CSNK1G2: variants seen among roughly 807,000 people sequenced by gnomAD.
The protein encoded by CSNK1G2 is casein kinase I isoform gamma-2.
In CSNK1G2, 11 loss-of-function variants were observed where a neutral mutation model predicts 48.0. The observed-to-expected ratio is 0.23, with a 90% CI of 0.14 to 0.38. The LOEUF (loss-of-function observed/expected upper bound fraction) is 0.38, where lower values mean the gene tolerates loss of function less well. CSNK1G2 is among the 10% of genes least tolerant of loss of function. CSNK1G2 has a pLI of 1.00. For synonymous variants in CSNK1G2, 337 were observed against 254.1 expected (o/e 1.33, Z -3.10); for missense variants, 446 against 595.5 (o/e 0.75, Z 2.61).
chr19:1,966,301 G>A (rs769045775), intron 1 of CSNK1G2, among the ~76,000 whole-genome samples: 17 of 152,198 alleles, frequency 1.1e-4, no homozygotes, highest in Non-Finnish European at 2.2e-4. Flanking sequence ...GGAAGAAGTT[G>A]GTCCCAGGCC....
At chr19:1,977,031 G>T (rs897947528) in intron 2 of CSNK1G2, among the ~76,000 whole-genome samples, 1 of 152,190 alleles carries the variant, frequency 6.6e-6, no homozygotes, top group Non-Finnish European at 1.5e-5. Flanking sequence ...AAGCCACCGT[G>T]CCCGGCCACA....
chr19:1,976,012 G>T lies in CSNK1G2; in HGVS notation c.188-2293G>T, dbSNP rs1486740831. On this transcript the variant is annotated intron_variant, in intron 2 of 11. Coordinates refer to ENST00000255641, the MANE Select transcript of CSNK1G2 (RefSeq NM_001319.7). ...ATCGCGCCAGTGCACTCCAGCCTGGGCAACAGAACGAGACTCTGCTCCAAA... is the reference window on the plus strand; with the variant it reads ...ATCGCGCCAGTGCACTCCAGCCTGGTCAACAGAACGAGACTCTGCTCCAAA... 7.3e-6 allele frequency: 9 copies of T among 1,235,896 alleles called. No individual in the cohort carries two copies. In the Admixed American group the frequency reaches 2.1e-4, roughly 28 times the overall value. The allele number at this position is 1,235,896 out of a possible 1,614,324, so 76.6% of individuals were successfully genotyped here.
chr19:1,976,445 T>A (rs1378898220), intron 2 of CSNK1G2, among the ~76,000 whole-genome samples: 1 of 152,200 alleles, frequency 6.6e-6, no homozygotes, highest in Non-Finnish European at 1.5e-5. Context: ...GATTGGAAAC[T>A]GTGCTGAAAT....
At position 1,978,615 on chromosome 19, in the gene CSNK1G2, G is replaced by T; in HGVS notation, c.312G>T (p.Gln104His). 1 of 1,599,668 alleles carries T rather than the reference G, an allele frequency of 6.3e-7. No homozygotes were observed. Among genetic ancestry groups the T allele is most frequent in the East Asian group, 2.3e-5 (1 of 44,246 alleles). The part of the protein sequence containing the change: ...KQLSATEGVP[Q>H]VYYFGPCGKY... Reference sequence around the variant, plus strand: ...CCTCCGCCGCAGAGGGCGTCCCTCAGGTCTACTACTTCGGTCCGTGCGGGA... The same window carrying T: ...CCTCCGCCGCAGAGGGCGTCCCTCATGTCTACTACTTCGGTCCGTGCGGGA... The change falls in exon 5 of 12, where the codon CAG becomes CAT. Residue 104 changes from glutamine (Q) to histidine (H), a missense_variant. Gln to His is a conservative substitution (Grantham distance 24). Around this residue, in one of 2 missense-constraint regions of CSNK1G2, gnomAD observed 258 missense variants for 415.9 expected, o/e 0.62. Transcript: ENST00000255641. This position sits in a 1 kb window ranked among gnomAD's most constrained non-coding sequence, Gnocchi z 7.3.
At position 1,941,199 on chromosome 19, in the gene CSNK1G2, C is replaced by G. The variant is rs993686452; in HGVS notation, c.-485C>G. 6.8e-6 allele frequency: 1 copy of G among 146,158 alleles called. No individual in the cohort carries two copies. The highest frequency in any genetic ancestry group is 1.5e-5 in the Non-Finnish European group (1 of 65,784). 9.1% of individuals were successfully genotyped at this position (146,158 alleles called of 1,614,324 possible). On this transcript the variant is annotated 5_prime_UTR_variant, in exon 1 of 12. Transcript: ENST00000255641. ...ACGCTGGCGGCGTAAGGCGCGCGGG[C>G]CCCGGAGCGGGCGCGGCGGAGCGCG...
Position 1,969,801 on chromosome 19 carries a change from G to A in CSNK1G2, c.29G>A (p.Gly10Glu). 1 of 1,309,436 alleles carries A rather than the reference G, an allele frequency of 7.6e-7. No homozygotes were observed. The highest frequency in any genetic ancestry group is 9.8e-7 in the Non-Finnish European group (1 of 1,020,526). The allele number at this position is 1,309,436 out of a possible 1,614,324, so 81.1% of individuals were successfully genotyped here. The change falls in exon 2 of 12, where the codon GGG becomes GAG. Residue 10 changes from glycine to glutamate, a missense_variant. This residue lies in a region of CSNK1G2 where 258 missense variants were observed against 415.9 expected (regional missense o/e 0.62). Transcript: ENST00000255641. MDFDKKGGK[G>E]ETEEGRRMSK... is the part of the protein sequence containing the mutation. ...GATTTTGACAAGAAAGGAGGGAAAG[G>A]GGAGACGGAGGAGGGCCGGAGAATG...
rs571208443 is a variant in CSNK1G2 at position 1,972,629 on chromosome 19, G to T, written c.187+2670G>T. ...TCTCAGCTTTGCTTTGCTTTGTTTT[G>T]TTTTGTTTTTGAGATGGAGTTTCAC... On this transcript the variant is annotated intron_variant, in intron 2 of 11. Transcript: ENST00000255641. Among the ~76,000 whole-genome samples the T allele has an allele frequency of 4.1e-4, 63 of 152,168 alleles. No homozygotes were observed. The South Asian group carries it at 7.9e-3, about 19-fold the overall frequency.
At chr19:1,952,747 G>A (rs1427637641) in intron 1 of CSNK1G2, 5 of 303,902 alleles carry the variant, frequency 1.6e-5, no homozygotes, top group African/African-American at 7.1e-5. Context: ...GAGTCGTGCG[G>A]GACTGGATGG....
In CSNK1G2 at chr19:1,953,811, G is replaced by A. The variant is rs376041727; in HGVS notation, c.-266+12393G>A. 126 of 517,232 alleles carry A rather than the reference G, an allele frequency of 2.4e-4. 1 individual carries two copies. The highest frequency in any genetic ancestry group is 2.0e-3 in the African/African-American group (105 of 51,794). 32.0% of individuals were successfully genotyped at this position (517,232 alleles called of 1,614,324 possible). A position where few individuals can be genotyped will look rare whatever the true frequency, so the allele number is the denominator to read the frequency against. On this transcript the variant is annotated intron_variant, in intron 1 of 11. Coordinates refer to ENST00000255641, the MANE Select transcript of CSNK1G2 (RefSeq NM_001319.7). ...AGGGTCCGGTCCTGGCCGCTGTACCGCGATCACCTGTGGCCCTCCTGTGTT... is the reference window on the plus strand; with the variant it reads ...AGGGTCCGGTCCTGGCCGCTGTACCACGATCACCTGTGGCCCTCCTGTGTT...
chr19:1,971,622 G>C (rs2015573486), intron 2 of CSNK1G2, among the ~76,000 whole-genome samples: 1 of 152,226 alleles, frequency 6.6e-6, no homozygotes, highest in South Asian at 2.1e-4. Context: ...CACATGCCTG[G>C]CACAGCCCCG....
intron 1 of CSNK1G2, chr19:1,954,123 G>C (rs924560429): frequency 1.5e-5 from 6 of 397,504 alleles, no homozygotes; most frequent in African/African-American, 1.4e-4. Flanking sequence ...TTTTGCACCT[G>C]ATGCGTTAAA....
At chr19:1,966,983 G>A (rs575897389) in intron 1 of CSNK1G2, among the ~76,000 whole-genome samples, 2 of 152,194 alleles carry the variant, frequency 1.3e-5, no homozygotes, top group South Asian at 4.1e-4. Context: ...CGATCCTCCC[G>A]CCTCAGTCTC....
At chr19:1,959,061 CTG>C (rs988488558) in intron 1 of CSNK1G2, among the ~76,000 whole-genome samples, 4 of 150,942 alleles carry the variant, frequency 2.7e-5, no homozygotes, top group Non-Finnish European at 5.9e-5. Flanking sequence ...GTATTAATAA[CTG>C]AGGTGTGACA....
chr19:1,977,481 A>G (rs1394662066), intron 2 of CSNK1G2, among the ~76,000 whole-genome samples: 1 of 152,170 alleles, frequency 6.6e-6, no homozygotes, highest in Non-Finnish European at 1.5e-5. Context: ...TGGCCTGTAC[A>G]GGGGCTCCCG....
intron 2 of CSNK1G2, chr19:1,975,772 A>T (rs1301341279): frequency 1.0e-6 from 1 of 985,172 alleles, no homozygotes; most frequent in African/African-American, 1.7e-5. Flanking sequence ...ACAGTGGCTC[A>T]CGCCTGTAAT....
Position 1,963,079 on chromosome 19 carries a change from C to G in CSNK1G2, c.-265-6429C>G, listed in dbSNP as rs191799842. Among the ~76,000 whole-genome samples, 159 of 152,210 alleles carry G rather than the reference C, an allele frequency of 1.0e-3. 1 individual carries two copies. Among genetic ancestry groups the G allele is most frequent in the Non-Finnish European group, 1.5e-3 (104 of 68,006 alleles). On this transcript the variant is annotated intron_variant, in intron 1 of 11. Coordinates refer to ENST00000255641, the MANE Select transcript of CSNK1G2 (RefSeq NM_001319.7). Reference sequence around the variant, plus strand: ...GAGACACTCCAGGCTCAATGAGACACGCCAGACACAGAGGACATGCCGTGT... The same window carrying G: ...GAGACACTCCAGGCTCAATGAGACAGGCCAGACACAGAGGACATGCCGTGT...
intron 1 of CSNK1G2, among the ~76,000 whole-genome samples, chr19:1,947,645 G>C (rs2014610237): frequency 6.6e-6 from 1 of 152,218 alleles, no homozygotes; most frequent in Admixed American, 6.5e-5. Flanking sequence ...GGTGCGCCGA[G>C]GGGGATCCAG....
intron 2 of CSNK1G2, chr19:1,975,787 A>T (rs1372491475): frequency 7.1e-6 from 7 of 984,190 alleles, no homozygotes; most frequent in Middle Eastern, 5.2e-4. Flanking sequence ...TGTAATCCCA[A>T]CACTTTGGGA....
In CSNK1G2 at chr19:1,980,350, T is replaced by A; in HGVS notation, c.*147T>A. 2.1e-6 allele frequency: 2 copies of A among 975,040 alleles called. No homozygotes were observed. The highest frequency in any genetic ancestry group is 3.2e-6 in the Non-Finnish European group (2 of 634,646). 60.4% of individuals were successfully genotyped at this position (975,040 alleles called of 1,614,324 possible). On this transcript the variant is annotated 3_prime_UTR_variant, in exon 12 of 12. Coordinates refer to ENST00000255641, the MANE Select transcript of CSNK1G2 (RefSeq NM_001319.7). ...GCAGACTGCAGGGGCCGCGCCTGGC[T>A]CAGGCGGCCCCACCCCCGGGACGTG...
Sources: allele counts gnomAD v4.1 joint callset (sites outside exome capture counted in the v4.1 genomes callset), GRCh38; gene constraint gnomAD v4.1.1; regional missense constraint gnomAD v4.1.1; non-coding constraint Gnocchi (gnomAD v3.1); transcripts MANE v1.5; gene names NCBI Gene and HGNC (gene_info 2026-07-23, HGNC 2026-07-21).